The following PIK3C2G variants were observed in gnomAD, a reference collection of about 807,000 sequenced individuals.
PIK3C2G encodes phosphatidylinositol-4-phosphate 3-kinase catalytic subunit type 2 gamma.
In PIK3C2G, 168 loss-of-function variants were observed where a neutral mutation model predicts 181.1. The observed-to-expected ratio is 0.93, with a 90% CI of 0.82 to 1.05. PIK3C2G has a LOEUF of 1.05. PIK3C2G is among the 50% of genes least tolerant of loss of function. PIK3C2G has a pLI of 0.00. For missense variants in PIK3C2G, 1,869 were observed against 1,732.8 expected, an observed-to-expected ratio of 1.08 and a Z score of -1.40; for synonymous variants, 573 against 592.2, an observed-to-expected ratio of 0.97 and a Z score of 0.47.
At chr12:18,604,709 A>G (rs193190674) in intron 30 of PIK3C2G, among the ~76,000 whole-genome samples, 6 of 152,316 alleles carry the variant, frequency 3.9e-5, no homozygotes, top group East Asian at 1.9e-4. Context: ...TCAGACTACA[A>G]TGGATTAAAA....
intron 5 of PIK3C2G, among the ~76,000 whole-genome samples, chr12:18,307,878 A>T (rs11612780): frequency 6.6e-6 from 1 of 151,732 alleles, no homozygotes; most frequent in African/African-American, 2.4e-5. Context: ...GCAAAGAAAC[A>T]CATGGAAATA....
the PIK3C2G span, among the ~76,000 whole-genome samples, chr12:18,723,746 G>T: frequency 6.6e-6 from 1 of 152,028 alleles, no homozygotes; most frequent in Non-Finnish European, 1.5e-5. Context: ...GAAACCCAGT[G>T]GTTATAGGGA....
chr12:18,322,930 A>T (rs1242444131), intron 7 of PIK3C2G, among the ~76,000 whole-genome samples: 1 of 152,210 alleles, frequency 6.6e-6, no homozygotes, highest in African/African-American at 2.4e-5. Flanking sequence ...TGGGGGGAAC[A>T]GAGAGAAAGG....
chr12:18,465,137 C>T (rs74070270), intron 18 of PIK3C2G, among the ~76,000 whole-genome samples: 2,181 of 151,934 alleles, frequency 0.014, 64 homozygotes, highest in African/African-American at 0.05. Context: ...ATTGTTACAG[C>T]CCTTTGAATA....
chr12:18,603,486 G>A (rs746867560), intron 30 of PIK3C2G, among the ~76,000 whole-genome samples: 6 of 152,058 alleles, frequency 3.9e-5, no homozygotes, highest in Admixed American at 6.6e-5. Context: ...CAGCCTTGCC[G>A]GAGTCCTAGA....
At chr12:18,291,537 A>G (rs1949691126) in intron 4 of PIK3C2G, among the ~76,000 whole-genome samples, 2 of 152,126 alleles carry the variant, frequency 1.3e-5, no homozygotes, top group African/African-American at 4.8e-5. Flanking sequence ...TATTTTATCA[A>G]ATTCGCCTGA....
At chr12:18,722,905 T>C in the PIK3C2G span, among the ~76,000 whole-genome samples, 1 of 152,038 alleles carries the variant, frequency 6.6e-6, no homozygotes, top group Admixed American at 6.6e-5. Context: ...TTAATTTTCA[T>C]AGATATTTTC....
At chr12:18,430,023 T>A (rs540362873) in intron 18 of PIK3C2G, among the ~76,000 whole-genome samples, 1 of 152,294 alleles carries the variant, frequency 6.6e-6, no homozygotes, top group South Asian at 2.1e-4. Flanking sequence ...TCCTTGTTAA[T>A]TCCTTTCCCT....
chr12:18,263,001 C>T (rs1205281359), intron 1 of PIK3C2G, among the ~76,000 whole-genome samples: 1 of 152,058 alleles, frequency 6.6e-6, no homozygotes, highest in East Asian at 1.9e-4. Context: ...GTTATCAGTT[C>T]TTAGCAATAG....
At chr12:18,672,352 G>A in the PIK3C2G span, among the ~76,000 whole-genome samples, 1 of 151,896 alleles carries the variant, frequency 6.6e-6, no homozygotes, top group Non-Finnish European at 1.5e-5. Context: ...AAAAGGGAAA[G>A]GTTTTTAATT....
intron 26 of PIK3C2G, among the ~76,000 whole-genome samples, chr12:18,556,512 A>G (rs1413707734): frequency 2.6e-5 from 4 of 152,186 alleles, no homozygotes; most frequent in Admixed American, 2.0e-4. Flanking sequence ...TGTGAGGGTG[A>G]GTTCATCAAA....
intron 16 of PIK3C2G, among the ~76,000 whole-genome samples, chr12:18,412,652 T>C (rs1397863639): frequency 1.3e-5 from 2 of 152,234 alleles, no homozygotes; most frequent in Non-Finnish European, 2.9e-5. Context: ...AATGAATTGA[T>C]AAATATTTCT....
downstream of PIK3C2G, among the ~76,000 whole-genome samples, chr12:18,650,702 G>GTATATATA (rs1950442587): frequency 7.2e-5 from 2 of 27,694 alleles, no homozygotes; most frequent in Non-Finnish European, 1.1e-4. Context: ...GTGTGTGTGT[G>GTATATATA]TGTATATATC....
intron 29 of PIK3C2G, among the ~76,000 whole-genome samples, chr12:18,594,041 G>A (rs1016476449): frequency 1.3e-5 from 2 of 151,890 alleles, no homozygotes; most frequent in Non-Finnish European, 2.9e-5. Context: ...TGCTCTGAGT[G>A]TAGTCAGTAC....
At chr12:18,296,320 T>C (rs1278098822) in intron 5 of PIK3C2G, among the ~76,000 whole-genome samples, 1 of 152,146 alleles carries the variant, frequency 6.6e-6, no homozygotes, top group African/African-American at 2.4e-5. Flanking sequence ...AGGATGTTGT[T>C]AGAAAAAGAA....
chr12:18,705,002 T>C, the PIK3C2G span, among the ~76,000 whole-genome samples: 2 of 152,138 alleles, frequency 1.3e-5, no homozygotes, highest in Non-Finnish European at 2.9e-5. Context: ...CACCTAAGCA[T>C]TCATGAGAAC....
chr12:18,354,440 C>T (rs1940520176), intron 11 of PIK3C2G, among the ~76,000 whole-genome samples: 1 of 152,188 alleles, frequency 6.6e-6, no homozygotes, highest in African/African-American at 2.4e-5. Flanking sequence ...TCTTTAATTC[C>T]CTGAGACTGC....
chr12:18,533,941 CTTTTTTTTTTTT>C (rs542327503), intron 24 of PIK3C2G, among the ~76,000 whole-genome samples: 5 of 91,498 alleles, frequency 5.5e-5, no homozygotes, highest in African/African-American at 1.7e-4. Flanking sequence ...CCTGCTATTT[CTTTTTTTTTTTT>C]TTTTTTTTTT....
At chr12:18,679,036 G>A in the PIK3C2G span, among the ~76,000 whole-genome samples, 2 of 152,060 alleles carry the variant, frequency 1.3e-5, no homozygotes, top group South Asian at 2.1e-4. Flanking sequence ...CAATACTAAC[G>A]ATAACTCATT....
Sources: allele counts gnomAD v4.1 joint callset (sites outside exome capture counted in the v4.1 genomes callset), GRCh38; gene constraint gnomAD v4.1.1; transcripts MANE v1.5; gene names NCBI Gene and HGNC (gene_info 2026-07-23, HGNC 2026-07-21).